MEF2A: variants seen among roughly 807,000 people sequenced by gnomAD.
MEF2A encodes the protein myocyte enhancer factor 2A.
Under a neutral mutation model 55.8 loss-of-function variants are expected in MEF2A, and 28 were observed. The ratio of observed to expected loss-of-function variants is 0.50; its 90% confidence interval spans 0.37 to 0.69. The LOEUF is 0.69. Ranked by LOEUF, MEF2A falls within the 30% of genes least tolerant of loss-of-function variation. The pLI, the probability that MEF2A is intolerant of heterozygous loss-of-function variation, is 0.00. For missense variants in MEF2A, 528 were observed against 626.2 expected (o/e 0.84, Z 1.67); for synonymous variants, 239 against 227.1 (o/e 1.05, Z -0.47).
intron 2 of MEF2A, among the ~76,000 whole-genome samples, chr15:99,620,295 A>G (rs937358041): frequency 7.2e-5 from 11 of 152,196 alleles, no homozygotes; most frequent in African/African-American, 2.7e-4. Context: ...TGTCACCCAA[A>G]TAATAAGCAC....
chr15:99,696,969 TA>T (rs1356842103), intron 8 of MEF2A, among the ~76,000 whole-genome samples: 3 of 152,144 alleles, frequency 2.0e-5, no homozygotes, highest in Non-Finnish European at 4.4e-5. Flanking sequence ...AAGTTGGTTT[TA>T]TCCCAGGAAT....
intron 4 of MEF2A, among the ~76,000 whole-genome samples, chr15:99,658,280 C>T (rs1304653751): frequency 5.9e-5 from 9 of 152,004 alleles, no homozygotes; most frequent in African/African-American, 9.7e-5. Context: ...TGAAAAAATA[C>T]GATGACCAAA....
intron 7 of MEF2A, among the ~76,000 whole-genome samples, chr15:99,684,375 A>G (rs2053819708): frequency 6.6e-6 from 1 of 152,172 alleles, no homozygotes; most frequent in Non-Finnish European, 1.5e-5. Context: ...GCCAACATCT[A>G]TTATTTTTTG....
intron 5 of MEF2A, chr15:99,671,742 G>A: frequency 7.6e-7 from 1 of 1,318,594 alleles, no homozygotes; most frequent in Non-Finnish European, 9.9e-7. Context: ...TATAGTGGGT[G>A]ATGACAACAA....
chr15:99,694,239 G>A (rs1002182885), intron 8 of MEF2A, among the ~76,000 whole-genome samples: 1 of 152,134 alleles, frequency 6.6e-6, no homozygotes, highest in Non-Finnish European at 1.5e-5. Context: ...TTTGTCTGAT[G>A]TTTTTCTCAT....
At chr15:99,663,319 A>G (rs1178778727) in intron 4 of MEF2A, among the ~76,000 whole-genome samples, 1 of 152,158 alleles carries the variant, frequency 6.6e-6, no homozygotes, top group African/African-American at 2.4e-5. Context: ...GATGCCAAAG[A>G]TTATAGTAAT....
intron 8 of MEF2A, among the ~76,000 whole-genome samples, chr15:99,696,054 T>G (rs1246398052): frequency 1.3e-5 from 2 of 152,292 alleles, no homozygotes; most frequent in Middle Eastern, 6.8e-3. Flanking sequence ...TAGTCCACTT[T>G]CCAAGAAATA....
chr15:99,585,512 A>G (rs1434176537), intron 1 of MEF2A, among the ~76,000 whole-genome samples: 1 of 152,158 alleles, frequency 6.6e-6, no homozygotes, highest in African/African-American at 2.4e-5. Context: ...CTATTTAATG[A>G]TTCTAAATAT....
In MEF2A at chr15:99,712,537, GCCGCCGC is replaced by G; in HGVS notation, c.1286_1292del (p.Pro429HisfsTer26). ...AGCAGCAGCAGCAGCAGCAGCAGCAGCCGCCGCCACCACCGCAGCCCCAGCCACAACC... is the reference window on the plus strand; with the variant it reads ...AGCAGCAGCAGCAGCAGCAGCAGCAGCACCACCGCAGCCCCAGCCACAACC... On this transcript the variant is annotated frameshift_variant, in exon 12 of 12. Coordinates refer to ENST00000557942, the MANE Select transcript of MEF2A (RefSeq NM_001319206.4). LOFTEE classifies it high-confidence loss of function. This position sits in a 1 kb window ranked among gnomAD's most constrained non-coding sequence, Gnocchi z 4.1. 3 of 1,524,142 alleles carry G rather than the reference GCCGCCGC, an allele frequency of 2.0e-6. No individual in the cohort carries two copies. The African/African-American group carries it at 4.3e-5, about 22-fold the overall frequency. 94.4% of individuals were successfully genotyped at this position (1,524,142 alleles called of 1,614,324 possible).
chr15:99,568,788 A>C (rs534025788), intron 1 of MEF2A, among the ~76,000 whole-genome samples: 13 of 152,150 alleles, frequency 8.5e-5, no homozygotes, highest in Admixed American at 6.5e-4. Context: ...GGGCATTTCT[A>C]ATTTCACATA....
chr15:99,573,160 C>T (rs1480713942), intron 1 of MEF2A, among the ~76,000 whole-genome samples: 1 of 152,064 alleles, frequency 6.6e-6, no homozygotes. Flanking sequence ...TGGTGGTGGG[C>T]ACCAGTAGTC....
At chr15:99,696,719 C>T (rs1166126302) in intron 8 of MEF2A, among the ~76,000 whole-genome samples, 1 of 151,554 alleles carries the variant, frequency 6.6e-6, no homozygotes, top group Non-Finnish European at 1.5e-5. Context: ...CCCAATCAAG[C>T]AGAAGAAAGG....
At chr15:99,618,752 A>G (rs866272460) in intron 2 of MEF2A, among the ~76,000 whole-genome samples, 10 of 152,222 alleles carry the variant, frequency 6.6e-5, no homozygotes, top group Non-Finnish European at 1.0e-4. Flanking sequence ...TTAAAAATTG[A>G]TGAATCTAGG....
intron 8 of MEF2A, among the ~76,000 whole-genome samples, chr15:99,700,242 A>G (rs1279709728): frequency 7.1e-6 from 1 of 140,100 alleles, no homozygotes; most frequent in Admixed American, 7.3e-5. Context: ...GGCTGGGCAC[A>G]GTGGCTCGTG....
At chr15:99,676,674 G>C (rs1019429016) in intron 7 of MEF2A, among the ~76,000 whole-genome samples, 1 of 151,158 alleles carries the variant, frequency 6.6e-6, no homozygotes, top group African/African-American at 2.4e-5. Context: ...CCGGGTTCAC[G>C]CCATTCTGCC....
intron 2 of MEF2A, among the ~76,000 whole-genome samples, chr15:99,602,653 G>GGT (rs773502316): frequency 0.085 from 3,767 of 44,428 alleles, 638 homozygotes; most frequent in Non-Finnish European, 0.096. Context: ...ACATTCCTGG[G>GGT]GTGTGTGTGT....
At chr15:99,609,993 TCTTA>T (rs1411235926) in intron 2 of MEF2A, among the ~76,000 whole-genome samples, 3 of 152,132 alleles carry the variant, frequency 2.0e-5, no homozygotes, top group African/African-American at 7.2e-5. Flanking sequence ...CACTTGGGTT[TCTTA>T]CTTAGATCAA....
chr15:99,607,848 A>G (rs968797132), intron 2 of MEF2A, among the ~76,000 whole-genome samples: 1 of 152,204 alleles, frequency 6.6e-6, no homozygotes, highest in Admixed American at 6.5e-5. Context: ...GGCAGTTTAC[A>G]AAGTCTCCTT....
chr15:99,690,477 A>G, intron 8 of MEF2A, 49 bp downstream of exon 8: 3 of 1,484,258 alleles, frequency 2.0e-6, no homozygotes, highest in Non-Finnish European at 2.8e-6. Flanking sequence ...CATATTTTAT[A>G]CATAGTCAAT....
Sources: allele counts gnomAD v4.1 joint callset (sites outside exome capture counted in the v4.1 genomes callset), GRCh38; gene constraint gnomAD v4.1.1; non-coding constraint Gnocchi (gnomAD v3.1); transcripts MANE v1.5; gene names NCBI Gene and HGNC (gene_info 2026-07-23, HGNC 2026-07-21).